Variants in DLGAP1 observed in about 807,000 individuals in gnomAD.
The protein encoded by DLGAP1 is disks large-associated protein 1.
In DLGAP1, 11 loss-of-function variants were observed where a neutral mutation model predicts 90.8. That is an observed-to-expected ratio of 0.12 (90% CI 0.08 to 0.20). DLGAP1 has a LOEUF of 0.20. DLGAP1 is among the 10% of genes least tolerant of loss of function. The pLI, the probability that DLGAP1 is intolerant of heterozygous loss-of-function variation, is 1.00. For synonymous variants in DLGAP1, 558 were observed against 540.7 expected, an observed-to-expected ratio of 1.03 and a Z score of -0.44; for missense variants, 1,050 against 1,333.8, an observed-to-expected ratio of 0.79 and a Z score of 3.31.
chr18:3,907,601 G>A (rs2071938066), intron 3 of DLGAP1, among the ~76,000 whole-genome samples: 1 of 152,182 alleles, frequency 6.6e-6, no homozygotes, highest in South Asian at 2.1e-4. Context: ...TTGGCTAGAG[G>A]AGGAAGGAAG....
At chr18:4,358,166 G>T (rs1421638858) in intron 1 of DLGAP1, among the ~76,000 whole-genome samples, 1 of 152,256 alleles carries the variant, frequency 6.6e-6, no homozygotes. Flanking sequence ...CCATGAAGTC[G>T]ATATTTGAGA....
intron 1 of DLGAP1, among the ~76,000 whole-genome samples, chr18:4,335,102 A>G (rs1002134420): frequency 1.2e-4 from 18 of 151,972 alleles, no homozygotes; most frequent in African/African-American, 3.9e-4. Context: ...AGAAAGACAC[A>G]ATAAGGCAGC....
At chr18:3,717,567 G>C (rs2061807817) in intron 7 of DLGAP1, among the ~76,000 whole-genome samples, 1 of 152,144 alleles carries the variant, frequency 6.6e-6, no homozygotes, top group South Asian at 2.1e-4. Flanking sequence ...CCTCAAAGTG[G>C]TTTGGGGTGA....
chr18:4,075,513 T>C (rs1568382249), intron 2 of DLGAP1, among the ~76,000 whole-genome samples: 1 of 152,304 alleles, frequency 6.6e-6, no homozygotes, highest in South Asian at 2.1e-4. Context: ...CAGCTACATT[T>C]ACATAGGAAA....
intron 1 of DLGAP1, chr18:4,295,196 A>C (rs980764204): frequency 4.6e-5 from 7 of 152,110 alleles, no homozygotes; most frequent in African/African-American, 1.7e-4. Flanking sequence ...TGCATCATAA[A>C]GATGTGTGGT....
chr18:4,158,425 T>C (rs2076791719), intron 1 of DLGAP1, among the ~76,000 whole-genome samples: 1 of 152,198 alleles, frequency 6.6e-6, no homozygotes, highest in Non-Finnish European at 1.5e-5. Context: ...ACCTGCATTT[T>C]CACTTTGCCC....
chr18:3,865,242 G>A (rs904382243), intron 4 of DLGAP1, among the ~76,000 whole-genome samples: 13 of 152,122 alleles, frequency 8.5e-5, no homozygotes, highest in African/African-American at 2.7e-4. Flanking sequence ...ATATTTGTCC[G>A]TAAGAACCTT....
chr18:3,741,191 C>CCAT (rs2062984855), intron 6 of DLGAP1, among the ~76,000 whole-genome samples: 2 of 113,838 alleles, frequency 1.8e-5, no homozygotes, highest in Non-Finnish European at 3.7e-5. Flanking sequence ...ACCACCACCA[C>CCAT]CACCACCAAA....
intron 1 of DLGAP1, among the ~76,000 whole-genome samples, chr18:4,362,097 G>A (rs1567861758): frequency 6.6e-6 from 1 of 152,162 alleles, no homozygotes; most frequent in Non-Finnish European, 1.5e-5. Context: ...TGTTGGTGAG[G>A]ATGTAGAGAA....
At chr18:3,536,790 C>G (rs759450031) in intron 9 of DLGAP1, among the ~76,000 whole-genome samples, 1 of 152,104 alleles carries the variant, frequency 6.6e-6, no homozygotes, top group African/African-American at 2.4e-5. Flanking sequence ...TCAACCAAAG[C>G]GCCCTATATA....
intron 7 of DLGAP1, among the ~76,000 whole-genome samples, chr18:3,683,856 T>C (rs74352645): frequency 0.015 from 2,240 of 152,250 alleles, 69 homozygotes; most frequent in African/African-American, 0.051. Context: ...GTATGTTTTT[T>C]GGGAAATCAC....
At chr18:3,746,786 A>T (rs1396502821) in intron 5 of DLGAP1, among the ~76,000 whole-genome samples, 3 of 152,234 alleles carry the variant, frequency 2.0e-5, no homozygotes, top group African/African-American at 7.2e-5. Context: ...TTTACACATT[A>T]CATTCATGTA....
intron 7 of DLGAP1, among the ~76,000 whole-genome samples, chr18:3,612,415 A>G (rs1296509231): frequency 6.6e-6 from 1 of 152,256 alleles, no homozygotes; most frequent in Non-Finnish European, 1.5e-5. Context: ...ACAGCCATCA[A>G]CAGTTCCATA....
At chr18:3,902,764 A>T (rs528565078) in intron 3 of DLGAP1, among the ~76,000 whole-genome samples, 1 of 152,108 alleles carries the variant, frequency 6.6e-6, no homozygotes, top group African/African-American at 2.4e-5. Flanking sequence ...GCTCCAATCT[A>T]TCTTTCCATG....
chr18:4,080,771 C>T (rs1340852765), intron 2 of DLGAP1, among the ~76,000 whole-genome samples: 1 of 152,144 alleles, frequency 6.6e-6, no homozygotes, highest in Admixed American at 6.5e-5. Flanking sequence ...TGTTTTTGCT[C>T]ATCCTGTGAG....
At chr18:3,652,163 CAAA>C (rs756445206) in intron 7 of DLGAP1, among the ~76,000 whole-genome samples, 5,962 of 93,352 alleles carry the variant, frequency 0.064, 466 homozygotes, top group African/African-American at 0.19. Flanking sequence ...GACTCTGTAT[CAAA>C]AAAAAAAAAA....
intron 7 of DLGAP1, among the ~76,000 whole-genome samples, chr18:3,616,544 G>A (rs1256384426): frequency 6.6e-6 from 1 of 151,438 alleles, no homozygotes; most frequent in Non-Finnish European, 1.5e-5. Context: ...GAGCCCAGGA[G>A]TTTGAGACCA....
intron 1 of DLGAP1, among the ~76,000 whole-genome samples, chr18:4,440,743 C>T (rs1347848904): frequency 6.6e-6 from 1 of 152,178 alleles, no homozygotes; most frequent in African/African-American, 2.4e-5. Context: ...TGTGTCTAAT[C>T]TTCATTTCAG....
chr18:3,524,153 T>C (rs772364739), intron 10 of DLGAP1, among the ~76,000 whole-genome samples: 17 of 151,974 alleles, frequency 1.1e-4, no homozygotes, highest in Non-Finnish European at 2.1e-4. Flanking sequence ...CACACATCTG[T>C]GGTCCCAGCT....
Sources: gnomAD v4.1 joint callset for allele counts (sites outside exome capture counted in the v4.1 genomes callset) on GRCh38, gnomAD v4.1.1 for gene constraint, MANE v1.5 for transcripts, NCBI Gene and HGNC (gene_info 2026-07-23, HGNC 2026-07-21) for gene names.